HMCN2: variants seen among roughly 807,000 people sequenced by gnomAD.
The protein encoded by HMCN2 is hemicentin-2.
HMCN2 carries 325 observed loss-of-function variants against 377.5 expected under a neutral mutation model. The observed-to-expected ratio is 0.86, with a 90% CI of 0.79 to 0.94. The LOEUF (loss-of-function observed/expected upper bound fraction) is 0.94, where lower values mean the gene tolerates loss of function less well. Ranked by LOEUF, HMCN2 falls within the 40% of genes least tolerant of loss-of-function variation. HMCN2 has a pLI of 0.00. For missense variants in HMCN2, 4,543 were observed against 4,725.3 expected, an observed-to-expected ratio of 0.96 and a Z score of 1.13; for synonymous variants, 2,007 against 2,046.8, an observed-to-expected ratio of 0.98 and a Z score of 0.53.
chr9:130,430,514 GTCTC>G lies in HMCN2; in HGVS notation c.14562_14565del (p.Leu4855ValfsTer7). On this transcript the variant is annotated frameshift_variant, in exon 95 of 98. Transcript: ENST00000683500. LOFTEE classifies it high-confidence loss of function. ...CCCCGGTACCTCCTACCACGCCTGGGTCTCTCTCCGTCCGGGTCCCATGGCCCTG... is the reference window on the plus strand; with the variant it reads ...CCCCGGTACCTCCTACCACGCCTGGGTCTCCGTCCGGGTCCCATGGCCCTG... The G allele has an allele frequency of 6.4e-7, 1 of 1,550,588 alleles. No homozygotes were observed. The highest frequency in any genetic ancestry group is 8.7e-7 in the Non-Finnish European group (1 of 1,146,974).
chr9:130,399,250 C>CAAA (rs35123847), intron 75 of HMCN2, among the ~76,000 whole-genome samples: 3 of 77,018 alleles, frequency 3.9e-5, no homozygotes, highest in African/African-American at 4.5e-5. Flanking sequence ...GAGACTGTCT[C>CAAA]AAAAAAAAAA....
chr9:130,314,925 G>T (rs1011137035), intron 15 of HMCN2, among the ~76,000 whole-genome samples: 6 of 151,880 alleles, frequency 4.0e-5, no homozygotes, highest in Non-Finnish European at 8.8e-5. Flanking sequence ...GAGGCAGAGT[G>T]GGGGCCTTCA....
At position 130,427,620 on chromosome 9, in the gene HMCN2, G is replaced by A. The variant is rs1238440843; in HGVS notation, c.14065+1G>A. On this transcript the variant is annotated splice_donor_variant, in intron 92 of 97. Coordinates refer to ENST00000683500, the MANE Select transcript of HMCN2 (RefSeq NM_001291815.2). LOFTEE classifies it high-confidence loss of function. ...GCCTGGGATGACAGGAACTGCAGAGGTGAGGGAGCTGCCGGGAGGAGGGAG... is the reference window on the plus strand; with the variant it reads ...GCCTGGGATGACAGGAACTGCAGAGATGAGGGAGCTGCCGGGAGGAGGGAG... 6.5e-7 allele frequency: 1 copy of A among 1,549,580 alleles called. No individual in the cohort carries two copies. The highest frequency in any genetic ancestry group is 2.0e-5 in the Admixed American group (1 of 50,942).
At position 130,433,684 on chromosome 9, in the gene HMCN2, C is replaced by T; in HGVS notation, c.15231C>T (p.Tyr5077=). The stretch of plus-strand genomic sequence containing the variant: ...TCTTGCTCATCGCCGTGTCCCCCTA[C>T]CCCTACTAAACGGGAGAGGGCATTG... ...VFVLLIAVSP[Y]PY is the part of the protein sequence containing the mutation. Residue 5077 remains tyrosine (Y), a synonymous_variant, in exon 98 of 98, where the codon TAC becomes TAT. Transcript: ENST00000683500. 2.0e-6 allele frequency: 3 copies of T among 1,487,566 alleles called. No homozygotes were observed. The highest frequency in any genetic ancestry group is 2.7e-6 in the Non-Finnish European group (3 of 1,122,616). 92.1% of individuals were successfully genotyped at this position (1,487,566 alleles called of 1,614,324 possible).
At chr9:130,273,645 G>A (rs1292154665) in intron 1 of HMCN2, among the ~76,000 whole-genome samples, 1 of 152,158 alleles carries the variant, frequency 6.6e-6, no homozygotes, top group Non-Finnish European at 1.5e-5. Context: ...TTATAGGCAT[G>A]CGCCACCATG....
chr9:130,422,400 G>A lies in HMCN2; in HGVS notation c.13232-177G>A, dbSNP rs1260401327. Among the ~76,000 whole-genome samples the A allele has an allele frequency of 2.0e-5, 3 of 152,208 alleles. No homozygotes were observed. The highest frequency in any genetic ancestry group is 7.2e-5 in the African/African-American group (3 of 41,450). On this transcript the variant is annotated intron_variant, in intron 86 of 97. Transcript: ENST00000683500. The surrounding 1 kb of genome is among the most constrained non-coding windows in gnomAD (Gnocchi z 4.2). ...CTAACAGCCTCCCTTCCCTTTTAGAGCCAAGATCCCCTGGGCGTTGAGTCC... is the reference window on the plus strand; with the variant it reads ...CTAACAGCCTCCCTTCCCTTTTAGAACCAAGATCCCCTGGGCGTTGAGTCC...
At chr9:130,279,616 G>T (rs999848005) in intron 1 of HMCN2, among the ~76,000 whole-genome samples, 1 of 152,222 alleles carries the variant, frequency 6.6e-6, no homozygotes, top group Admixed American at 6.5e-5. Flanking sequence ...GCCTCCCAGA[G>T]TGCTGATATT....
At position 130,422,590 on chromosome 9, in the gene HMCN2, G is replaced by A. The variant is rs770392783; in HGVS notation, c.13245G>A (p.Gly4415=). The part of the protein sequence containing the change: ...AFLVVRGEPQ[G]SWGSMTGVIN... ...CCTTCCTTACAGGGGAGCCCCAGGG[G>A]AGCTGGGGCAGCATGACTGGGGTGA... Residue 4415 remains glycine (G), a synonymous_variant, in exon 87 of 98, where the codon GGG becomes GGA. Transcript: ENST00000683500. This position sits in a 1 kb window ranked among gnomAD's most constrained non-coding sequence, Gnocchi z 4.2. The A allele has an allele frequency of 4.5e-6, 6 of 1,320,820 alleles. No homozygotes were observed. The African/African-American group carries it at 6.1e-5, about 14-fold the overall frequency. 81.8% of individuals were successfully genotyped at this position (1,320,820 alleles called of 1,614,324 possible).
rs1427906442 is a variant in HMCN2, at chr9:130,296,809, C to G, written c.1012+15C>G. ...GCCCTTGCAAGGTACAGTACCCCGA[C>G]CCTACAGACAGTGCTGAGCTGCCTC... On this transcript the variant is annotated intron_variant, in intron 7 of 97. Coordinates refer to ENST00000683500, the MANE Select transcript of HMCN2 (RefSeq NM_001291815.2). 2.1e-6 allele frequency: 1 copy of G among 471,038 alleles called. No individual in the cohort carries two copies. Among genetic ancestry groups the G allele is most frequent in the East Asian group, 6.9e-5 (1 of 14,390 alleles). The allele number at this position is 471,038 out of a possible 1,614,324, so 29.2% of individuals were successfully genotyped here. A position where few individuals can be genotyped will look rare whatever the true frequency, so the allele number is the denominator to read the frequency against.
Position 130,375,663 on chromosome 9 carries a change from C to T in HMCN2, c.7731C>T (p.Phe2577=). 1 of 985,956 alleles carries T rather than the reference C, an allele frequency of 1.0e-6. No homozygotes were observed. Among genetic ancestry groups the T allele is most frequent in the Non-Finnish European group, 1.2e-6 (1 of 829,992 alleles). 61.1% of individuals were successfully genotyped at this position (985,956 alleles called of 1,614,324 possible). A position where few individuals can be genotyped will look rare whatever the true frequency, so the allele number is the denominator to read the frequency against. ...PISLICEALA[F]PSPNITWMKD... ...CTCTGATCTGCGAGGCCCTGGCCTT[C>T]CCTTCCCCCAACATCACCTGGATGA... Residue 2577 remains phenylalanine (F), a synonymous_variant, in exon 50 of 98, where the codon TTC becomes TTT. Transcript: ENST00000683500.
At chr9:130,350,607 C>A (rs189822202) in intron 29 of HMCN2, among the ~76,000 whole-genome samples, 1 of 151,352 alleles carries the variant, frequency 6.6e-6, no homozygotes, top group Non-Finnish European at 1.5e-5. Context: ...GTACAGTGGG[C>A]CAGGTGCAGT....
intron 35 of HMCN2, among the ~76,000 whole-genome samples, 194 bp from the exon 36 acceptor site, chr9:130,358,196 A>T (rs1303395670): frequency 6.6e-6 from 1 of 152,214 alleles, no homozygotes; most frequent in East Asian, 1.9e-4. Flanking sequence ...TGGGGGGGAC[A>T]GGGAATGGTA....
intron 43 of HMCN2, among the ~76,000 whole-genome samples, chr9:130,366,516 C>T (rs996637621): frequency 4.7e-5 from 6 of 126,356 alleles, no homozygotes; most frequent in African/African-American, 1.5e-4. Context: ...TGCAGTGGCA[C>T]GATCTCAGCT....
rs1842488447 is a variant in HMCN2, at chr9:130,394,302, T to C, written c.10502-83T>C. 4.4e-6 allele frequency: 4 copies of C among 908,922 alleles called. No individual in the cohort carries two copies. Among genetic ancestry groups the C allele is most frequent in the Non-Finnish European group, 6.0e-6 (4 of 662,528 alleles). The allele number at this position is 908,922 out of a possible 1,614,324, so 56.3% of individuals were successfully genotyped here. A position where few individuals can be genotyped will look rare whatever the true frequency, so the allele number is the denominator to read the frequency against. ...CACCAAAATGTGGGAGCAGAGCCCC[T>C]GGACTCAGCACAGTGTTTTCAAGTG... is the stretch of plus-strand genomic sequence containing the variant. On this transcript the variant is annotated intron_variant, in intron 68 of 97. Transcript: ENST00000683500. The surrounding 1 kb of genome is among the most constrained non-coding windows in gnomAD (Gnocchi z 5.1).
In HMCN2 at chr9:130,430,379, C is replaced by G. The variant is rs1217247179; in HGVS notation, c.14422C>G (p.Leu4808Val). 1 of 1,549,956 alleles carries G rather than the reference C, an allele frequency of 6.5e-7. No individual in the cohort carries two copies. Among genetic ancestry groups the G allele is most frequent in the Non-Finnish European group, 8.7e-7 (1 of 1,146,976 alleles). Reference protein sequence around the residue: ...YRCLCPPGQTLLRDGKACTSL... With the variant: ...YRCLCPPGQTVLRDGKACTSL... ...CTGCCTGTGCCCCCCAGGCCAGACC[C>G]TCCTTCGCGACGGCAAGGCCTGCAC... Residue 4808 changes from leucine to valine, a missense_variant, in exon 95 of 98, where the codon CTC becomes GTC. Physicochemically the swap from Leu to Val is conservative, Grantham distance 32 (BLOSUM62 1). Around this residue, in one of 5 missense-constraint regions of HMCN2, gnomAD observed 1,155 missense variants for 1,157.7 expected, o/e 1.00. Transcript: ENST00000683500.
intron 15 of HMCN2, among the ~76,000 whole-genome samples, chr9:130,313,439 T>C (rs1837371822): frequency 6.6e-6 from 1 of 152,224 alleles, no homozygotes; most frequent in African/African-American, 2.4e-5. Context: ...CATGCCCAGG[T>C]CCGCTGGTAT....
At chr9:130,431,230 G>A in intron 95 of HMCN2, 137 bp from the exon 96 acceptor site, 1 of 872,500 alleles carries the variant, frequency 1.1e-6, no homozygotes, top group Non-Finnish European at 1.7e-6. Context: ...AACCTGGGCT[G>A]GGAGGGGCAG....
chr9:130,333,143 C>G (rs1838514975), intron 22 of HMCN2, among the ~76,000 whole-genome samples: 2 of 152,202 alleles, frequency 1.3e-5, no homozygotes, highest in African/African-American at 4.8e-5. Flanking sequence ...TACTGTGGAC[C>G]AGGCCAGGGC....
intron 29 of HMCN2, among the ~76,000 whole-genome samples, chr9:130,349,960 C>T (rs892685894): frequency 2.2e-5 from 2 of 92,204 alleles, no homozygotes; most frequent in Non-Finnish European, 4.4e-5. Context: ...TGCAGTGGAA[C>T]GATCTCAGCT....
Sources: gnomAD v4.1 joint callset for allele counts (sites outside exome capture counted in the v4.1 genomes callset) on GRCh38, gnomAD v4.1.1 for gene constraint, gnomAD v4.1.1 regional missense constraint, Gnocchi (gnomAD v3.1) non-coding constraint, MANE v1.5 for transcripts, NCBI Gene and HGNC (gene_info 2026-07-23, HGNC 2026-07-21) for gene names.